LRP1: variants seen among roughly 807,000 people sequenced by gnomAD.
The protein encoded by LRP1 is prolow-density lipoprotein receptor-related protein 1.
Under a neutral mutation model 541.5 loss-of-function variants are expected in LRP1, and 51 were observed. The observed-to-expected ratio is 0.09, with a 90% confidence interval of 0.08 to 0.12. The LOEUF is 0.12. Among genes scored for constraint, LRP1 ranks in the 10% least tolerant of loss-of-function variants. The pLI, the probability that LRP1 is intolerant of heterozygous loss-of-function variation, is 1.00. For missense variants in LRP1, 3,878 were observed against 6,376.2 expected (o/e 0.61, Z 13.34); for synonymous variants, 2,219 against 2,470.8 (o/e 0.90, Z 3.02).
chr12:57,136,964 G>A (rs555584344), intron 1 of LRP1, among the ~76,000 whole-genome samples: 2 of 152,186 alleles, frequency 1.3e-5, no homozygotes, highest in Non-Finnish European at 2.9e-5. Flanking sequence ...GTTGTCAGCC[G>A]GGTGCGGTGG....
At chr12:57,129,708 T>C (rs2034998381) in intron 1 of LRP1, among the ~76,000 whole-genome samples, 1 of 152,194 alleles carries the variant, frequency 6.6e-6, no homozygotes, top group East Asian at 1.9e-4. Context: ...CTATGTGACT[T>C]TGAATTTTCC....
chr12:57,162,597 G>T lies in LRP1; in HGVS notation c.2404+79G>T. ...AGGCATTGATTTGAGACTTCCCTGG[G>T]AGTGAAGGCACTTCCCAGGGATCCT... is the stretch of plus-strand genomic sequence containing the variant. On this transcript the variant is annotated intron_variant, in intron 14 of 88. Transcript: ENST00000243077. The surrounding 1 kb of genome is among the most constrained non-coding windows in gnomAD (Gnocchi z 5.2). 1 of 1,510,258 alleles carries T rather than the reference G, an allele frequency of 6.6e-7. No homozygotes were observed. The highest frequency in any genetic ancestry group is 1.1e-5 in the South Asian group (1 of 87,326). 93.6% of individuals were successfully genotyped at this position (1,510,258 alleles called of 1,614,324 possible). A position where few individuals can be genotyped will look rare whatever the true frequency, so the allele number is the denominator to read the frequency against.
At position 57,148,851 on chromosome 12, in the gene LRP1, A is replaced by G. The variant is rs991077641; in HGVS notation, c.841+3361A>G. 4 of 475,594 alleles carry G rather than the reference A, an allele frequency of 8.4e-6. No homozygotes were observed. The Admixed American group carries it at 1.6e-4, about 19-fold the overall frequency. The allele number at this position is 475,594 out of a possible 1,614,324, so 29.5% of individuals were successfully genotyped here. A position where few individuals can be genotyped will look rare whatever the true frequency, so the allele number is the denominator to read the frequency against. On this transcript the variant is annotated intron_variant, in intron 6 of 88. Transcript: ENST00000243077. ...GCACCATGCTGCATGGGGAAGAAGG[A>G]GGTGGCTGGGGAGCTCAGCAAAGGG... is the stretch of plus-strand genomic sequence containing the variant.
intron 6 of LRP1, among the ~76,000 whole-genome samples, chr12:57,145,793 A>G (rs2035393680): frequency 6.6e-6 from 1 of 152,120 alleles, no homozygotes; most frequent in African/African-American, 2.4e-5. Context: ...AGTGTTGACT[A>G]GACTGCAGAG....
At chr12:57,181,332 C>T (rs2036162846) in intron 34 of LRP1, 41 bp downstream of exon 34, 17 of 1,583,234 alleles carry the variant, frequency 1.1e-5, no homozygotes, top group Non-Finnish European at 1.5e-5. Context: ...CCCAGCTCCC[C>T]AACCCTGACC....
At chr12:57,190,513 A>G (rs2036355991) in intron 42 of LRP1, among the ~76,000 whole-genome samples, 1 of 152,232 alleles carries the variant, frequency 6.6e-6, no homozygotes, top group Non-Finnish European at 1.5e-5. Flanking sequence ...GGCCTGTCTC[A>G]CTTGGCTGCA....
rs1298963915 is a variant in LRP1 at position 57,179,291 on chromosome 12, G to T, written c.4739-38G>T. 5 of 1,490,626 alleles carry T rather than the reference G, an allele frequency of 3.4e-6. No homozygotes were observed. The South Asian group carries it at 5.7e-5, about 17-fold the overall frequency. 92.3% of individuals were successfully genotyped at this position (1,490,626 alleles called of 1,614,324 possible). A position where few individuals can be genotyped will look rare whatever the true frequency, so the allele number is the denominator to read the frequency against. ...AACCGGATTGGTGGGAAGCACAGAGGCAGGGACTGCCTTCAGTGACCAGCC... is the reference window on the plus strand; with the variant it reads ...AACCGGATTGGTGGGAAGCACAGAGTCAGGGACTGCCTTCAGTGACCAGCC... On this transcript the variant is annotated intron_variant, in intron 28 of 88. Coordinates refer to ENST00000243077, the MANE Select transcript of LRP1 (RefSeq NM_002332.3). This position sits in a 1 kb window ranked among gnomAD's most constrained non-coding sequence, Gnocchi z 6.8.
chr12:57,204,916 G>T lies in LRP1; in HGVS notation c.11194+167G>T. 1 of 1,351,152 alleles carries T rather than the reference G, an allele frequency of 7.4e-7. No individual in the cohort carries two copies. Among genetic ancestry groups the T allele is most frequent in the South Asian group, 1.5e-5 (1 of 68,402 alleles). The allele number at this position is 1,351,152 out of a possible 1,614,324, so 83.7% of individuals were successfully genotyped here. On this transcript the variant is annotated intron_variant, in intron 72 of 88. Coordinates refer to ENST00000243077, the MANE Select transcript of LRP1 (RefSeq NM_002332.3). This position sits in a 1 kb window ranked among gnomAD's most constrained non-coding sequence, Gnocchi z 5.3. ...GGGGGCTTTTCGTTAGGAAAGAGAA[G>T]CCCCTGGGGAAGGCTCTGGGGGCTG...
At chr12:57,209,451 G>A (rs927511733) in intron 79 of LRP1, among the ~76,000 whole-genome samples, 4 of 152,242 alleles carry the variant, frequency 2.6e-5, no homozygotes, top group African/African-American at 9.6e-5. Context: ...GGTACATTAG[G>A]AACGTAGCAA....
At position 57,202,429 on chromosome 12, in the gene LRP1, A is replaced by C. The variant is rs1159603049; in HGVS notation, c.10603A>C (p.Thr3535Pro). Residue 3535 changes from threonine (T) to proline (P), a missense_variant, in exon 68 of 89, where the codon ACC (threonine) becomes CCC (proline). By Grantham distance (38) the Thr-to-Pro change is conservative. Coordinates refer to ENST00000243077, the MANE Select transcript of LRP1 (RefSeq NM_002332.3). The stretch of plus-strand genomic sequence containing the variant: ...ACACTTGCCTCCTCCAGATGAACGC[A>C]CCTGTGAGCCATACCAGTTCCGCTG... ...DEPKEECDER[T>P]CEPYQFRCKN... 1 of 1,612,522 alleles carries C rather than the reference A, an allele frequency of 6.2e-7. No homozygotes were observed. The highest frequency in any genetic ancestry group is 1.7e-5 in the Admixed American group (1 of 59,990).
chr12:57,141,283 C>G, intron 2 of LRP1, 91 bp from the exon 3 acceptor site: 2 of 1,496,668 alleles, frequency 1.3e-6, no homozygotes, highest in South Asian at 1.2e-5. Flanking sequence ...ATCTGAAACC[C>G]CAGTTTTATC....
chr12:57,193,692 G>A lies in LRP1; in HGVS notation c.7804+7G>A, dbSNP rs371491585. ...GACGAGATCCCTTGCAACAGTGAGT[G>A]AGGCGCACTGGCATAACCCATCTGT... On this transcript the variant is annotated splice_region_variant and intron_variant, in intron 47 of 88. Coordinates refer to ENST00000243077, the MANE Select transcript of LRP1 (RefSeq NM_002332.3). 1 of 1,614,150 alleles carries A rather than the reference G, an allele frequency of 6.2e-7. No homozygotes were observed. The highest frequency in any genetic ancestry group is 2.2e-5 in the East Asian group (1 of 44,890).
chr12:57,195,997 A>G lies in LRP1; in HGVS notation c.8695A>G (p.Ser2899Gly), dbSNP rs906932696. The change falls in exon 54 of 89, where the codon AGC becomes GGC. Residue 2899 changes from serine (S) to glycine (G), a missense_variant. Transcript: ENST00000243077. ...DEAPKNPHCTSQEHKCNASSQ... is the reference protein window; with the variant it reads ...DEAPKNPHCTGQEHKCNASSQ... ...GGCTCCCAAGAACCCACACTGCACCAGCCAAGGTGGGCCCCAGACCTGGCT... is the reference window on the plus strand; with the variant it reads ...GGCTCCCAAGAACCCACACTGCACCGGCCAAGGTGGGCCCCAGACCTGGCT... 1 of 1,612,902 alleles carries G rather than the reference A, an allele frequency of 6.2e-7. No homozygotes were observed. Among genetic ancestry groups the G allele is most frequent in the South Asian group, 1.1e-5 (1 of 91,088 alleles).
At chr12:57,198,896 A>G (rs1006917250) in intron 60 of LRP1, among the ~76,000 whole-genome samples, 1 of 152,120 alleles carries the variant, frequency 6.6e-6, no homozygotes, top group African/African-American at 2.4e-5. Flanking sequence ...CTTCCCTTGT[A>G]TACACAGTTC....
chr12:57,133,879 A>T (rs1434661067), intron 1 of LRP1, among the ~76,000 whole-genome samples: 1 of 151,988 alleles, frequency 6.6e-6, no homozygotes, highest in East Asian at 1.9e-4. Context: ...TCAAGGGGGT[A>T]TCAAAGGATG....
rs745832016 is a variant in LRP1 at position 57,149,025 on chromosome 12, G to T, written c.841+3535G>T. 10 of 661,054 alleles carry T rather than the reference G, an allele frequency of 1.5e-5. 1 individual carries two copies. The highest frequency in any genetic ancestry group is 1.5e-4 in the African/African-American group (8 of 54,544). 40.9% of individuals were successfully genotyped at this position (661,054 alleles called of 1,614,324 possible). On this transcript the variant is annotated intron_variant, in intron 6 of 88. Transcript: ENST00000243077. ...ACAACAGGAAATGGGGTAGTGATTT[G>T]TCTAGAGGGGAGGCAAAGAAGGGGC... is the stretch of plus-strand genomic sequence containing the variant.
At position 57,185,058 on chromosome 12, in the gene LRP1, C is replaced by A; in HGVS notation, c.6339-23C>A. ...CCCTCCTGCCTCCACTGATGCCCTG[C>A]TTGTGCCCTGTCCTTCCCTCAGGAC... On this transcript the variant is annotated intron_variant, in intron 39 of 88. Coordinates refer to ENST00000243077, the MANE Select transcript of LRP1 (RefSeq NM_002332.3). The surrounding 1 kb of genome is among the most constrained non-coding windows in gnomAD (Gnocchi z 4.9). 1 of 1,614,092 alleles carries A rather than the reference C, an allele frequency of 6.2e-7. No homozygotes were observed. Among genetic ancestry groups the A allele is most frequent in the Non-Finnish European group, 8.5e-7 (1 of 1,179,980 alleles).
In LRP1 at chr12:57,181,234, C is replaced by G. The variant is rs1309658554; in HGVS notation, c.5605C>G (p.Arg1869Gly). ...QLCLPTSETT[R>G]SCMCTAGYSL... ...CTGCCTGCCCACGTCAGAGACGACC[C>G]GCTCCTGCATGTGCACAGCCGGCTA... The change falls in exon 34 of 89, where the codon CGC (arginine) becomes GGC (glycine). Residue 1869 changes from arginine to glycine, a missense_variant. Physicochemically the swap from Arg to Gly is moderately radical, Grantham distance 125. Transcript: ENST00000243077. 2 of 1,613,566 alleles carry G rather than the reference C, an allele frequency of 1.2e-6. No individual in the cohort carries two copies. Among genetic ancestry groups the G allele is most frequent in the African/African-American group, 1.3e-5 (1 of 74,932 alleles).
intron 1 of LRP1, among the ~76,000 whole-genome samples, chr12:57,135,487 A>G (rs553917768): frequency 6.6e-6 from 1 of 152,192 alleles, no homozygotes; most frequent in South Asian, 2.1e-4. Context: ...GACTGTCCCA[A>G]AGTAGTTTAT....
Sources: gnomAD v4.1 joint callset for allele counts (sites outside exome capture counted in the v4.1 genomes callset) on GRCh38, gnomAD v4.1.1 for gene constraint, Gnocchi (gnomAD v3.1) non-coding constraint, MANE v1.5 for transcripts, NCBI Gene and HGNC (gene_info 2026-07-23, HGNC 2026-07-21) for gene names.